The following NBPF15 variants were observed in gnomAD, a reference collection of about 807,000 sequenced individuals.
NBPF15 encodes NBPF member 15, also known as NBPF family member NBPF15.
Under a neutral mutation model 62.2 loss-of-function variants are expected in NBPF15, and 74 were observed. The observed-to-expected ratio is 1.19, with a 90% CI of 0.99 to 1.44. NBPF15 has a LOEUF of 1.44. Ranked by LOEUF, NBPF15 falls within the 40% of genes most tolerant of loss-of-function variation. The pLI is 0.00. For missense variants in NBPF15, 790 were observed against 550.0 expected (o/e 1.44, Z -4.36); for synonymous variants, 244 against 209.7 (o/e 1.16, Z -1.41).
rs1456995293 is a variant in NBPF15, at chr1:144,431,298, GA to G, written c.825-1436del. ...CAGATTCACCAAGGTTGAAATGAAG[GA>G]AAAAATGCTAAGGGCAGCCAGAGAG... On this transcript the variant is annotated intron_variant, in intron 13 of 21. Transcript: ENST00000581897. Among the ~76,000 whole-genome samples the G allele has an allele frequency of 2.0e-5, 3 of 150,374 alleles. No homozygotes were observed. In the South Asian group the frequency reaches 6.3e-4, roughly 32 times the overall value.
At chr1:144,449,572 T>C (rs1282098621) in intron 5 of NBPF15, among the ~76,000 whole-genome samples, 2 of 151,914 alleles carry the variant, frequency 1.3e-5, no homozygotes, top group African/African-American at 2.4e-5. Flanking sequence ...ATAGGAGCCA[T>C]ACGCAAAAGA....
intron 12 of NBPF15, 144 bp downstream of exon 12, chr1:144,434,967 A>T: frequency 7.3e-7 from 1 of 1,367,950 alleles, no homozygotes; most frequent in Admixed American, 2.0e-5. Context: ...ATTAGCTGAG[A>T]AGGACAAAAA....
chr1:144,424,092 C>T (rs1336756879), intron 20 of NBPF15, 117 bp from the exon 21 acceptor site: 6 of 751,152 alleles, frequency 8.0e-6, no homozygotes, highest in African/African-American at 5.1e-5. Flanking sequence ...AATACGACAC[C>T]ATGAGAGATA....
rs199961613 is a variant in NBPF15 at position 144,423,313 on chromosome 1, C to T, written c.1770-57G>A. 4.6e-4 allele frequency: 746 copies of T among 1,610,898 alleles called. 11 individuals are homozygous for T. Among genetic ancestry groups the T allele is most frequent in the Middle Eastern group, 3.6e-3 (16 of 4,450 alleles). On this transcript the variant is annotated intron_variant, in intron 21 of 21. Coordinates refer to ENST00000581897, the MANE Select transcript of NBPF15 (RefSeq NM_001385408.1). ...CAGGGAAAATCAGACACCACAGAGC[C>T]CCACTAGATTTCAGAAGTAATATAA... is the stretch of plus-strand genomic sequence containing the variant.
intron 4 of NBPF15, among the ~76,000 whole-genome samples, 182 bp downstream of exon 4, chr1:144,456,355 G>A (rs868935418): frequency 3.9e-5 from 6 of 152,034 alleles, no homozygotes; most frequent in East Asian, 1.9e-4. Context: ...ACTGCAGGTC[G>A]AGGGTGGCAC....
intron 6 of NBPF15, among the ~76,000 whole-genome samples, chr1:144,444,100 T>C (rs587713646): frequency 1.3e-5 from 2 of 151,976 alleles, no homozygotes; most frequent in African/African-American, 4.8e-5. Context: ...GGCTATACCA[T>C]GTATGTTTGT....
chr1:144,449,323 A>G (rs1269403582), intron 5 of NBPF15, among the ~76,000 whole-genome samples: 1 of 151,938 alleles, frequency 6.6e-6, no homozygotes, highest in Non-Finnish European at 1.5e-5. Context: ...CTATTCTATG[A>G]CTCACTAATT....
intron 13 of NBPF15, among the ~76,000 whole-genome samples, chr1:144,431,460 A>AT (rs757139025): frequency 4.9e-4 from 72 of 146,976 alleles, no homozygotes; most frequent in Middle Eastern, 6.9e-3. Flanking sequence ...TTCCTTTATT[A>AT]TTTTTTGTGT....
chr1:144,446,531 T>C (rs1323824728), intron 6 of NBPF15, among the ~76,000 whole-genome samples: 2 of 152,230 alleles, frequency 1.3e-5, no homozygotes, highest in Admixed American at 1.3e-4. Flanking sequence ...TCTTATGCCA[T>C]TTAATATAAT....
Position 144,457,912 on chromosome 1 carries a change from A to C in NBPF15, c.-700-1107T>G, listed in dbSNP as rs1649320791. 2.0e-5 allele frequency among the ~76,000 whole-genome samples: 3 copies of C among 151,886 alleles called. No homozygotes were observed. The South Asian group carries it at 6.2e-4, about 32-fold the overall frequency. ...TGAAACCAGTCTGAGCACTACAGGA[A>C]AACCCTGTCTACAAAAAATAGAAAA... On this transcript the variant is annotated intron_variant, in intron 3 of 21. Transcript: ENST00000581897.
At chr1:144,428,389 G>T (rs9438173) in intron 15 of NBPF15, among the ~76,000 whole-genome samples, 6 of 152,056 alleles carry the variant, frequency 3.9e-5, no homozygotes, top group South Asian at 4.2e-4. Flanking sequence ...AGCTTTTGAG[G>T]TATGGTCAAC....
Position 144,457,085 on chromosome 1 carries a change from AG to A in NBPF15, c.-700-281del, listed in dbSNP as rs1427426007. On this transcript the variant is annotated intron_variant, in intron 3 of 21. Transcript: ENST00000581897. ...TCTCAGCTACTCAGAAGGCTGAGGC[AG>A]GAGGATTCCTTGAGCCTTGAATTAG... is the stretch of plus-strand genomic sequence containing the variant. Among the ~76,000 whole-genome samples the A allele has an allele frequency of 3.9e-5, 6 of 152,018 alleles. 1 individual carries two copies. Among genetic ancestry groups the A allele is most frequent in the Non-Finnish European group, 5.9e-5 (4 of 67,988 alleles).
chr1:144,440,339 A>C, intron 6 of NBPF15, 44 bp from the exon 7 acceptor site: 1 of 1,134,228 alleles, frequency 8.8e-7, no homozygotes, highest in Non-Finnish European at 1.2e-6. Flanking sequence ...GTGTCATGGA[A>C]TCTTAGGAGC....
intron 6 of NBPF15, among the ~76,000 whole-genome samples, chr1:144,444,196 C>T (rs1478071845): frequency 6.7e-5 from 10 of 150,134 alleles, no homozygotes; most frequent in Non-Finnish European, 1.3e-4. Flanking sequence ...CGTGGCAGGC[C>T]AGGTCTCACT....
At position 144,440,189 on chromosome 1, in the gene NBPF15, C is replaced by A; in HGVS notation, c.-84G>T. ...CCCACAGCACTTTAGGATCCTTCACCACAAAAACAAGGTTCGAGGTGCCTC... is the reference window on the plus strand; with the variant it reads ...CCCACAGCACTTTAGGATCCTTCACAACAAAAACAAGGTTCGAGGTGCCTC... On this transcript the variant is annotated 5_prime_UTR_variant, in exon 7 of 22. Transcript: ENST00000581897. 1 of 1,544,162 alleles carries A rather than the reference C, an allele frequency of 6.5e-7. No homozygotes were observed.
chr1:144,447,186 A>ATGG (rs1423715806), intron 6 of NBPF15, among the ~76,000 whole-genome samples: 1 of 152,398 alleles, frequency 6.6e-6, no homozygotes, highest in East Asian at 1.9e-4. Flanking sequence ...ATCTCCCGCC[A>ATGG]TGACCTCCAG....
chr1:144,452,497 T>C (rs1310478921), intron 4 of NBPF15, among the ~76,000 whole-genome samples: 1 of 151,446 alleles, frequency 6.6e-6, no homozygotes, highest in Non-Finnish European at 1.5e-5. Context: ...TCAGACCCAG[T>C]CATGGGGACC....
In NBPF15 at chr1:144,436,949, G is replaced by A; in HGVS notation, c.439C>T (p.Gln147Ter). 1 of 1,612,092 alleles carries A rather than the reference G, an allele frequency of 6.2e-7. No homozygotes were observed. Among genetic ancestry groups the A allele is most frequent in the Non-Finnish European group, 8.5e-7 (1 of 1,179,652 alleles). The change falls in exon 10 of 22, where the codon CAG becomes TAG. Residue 147 changes from glutamine (Q) to a stop codon, truncating the protein, a stop_gained. Coordinates refer to ENST00000581897, the MANE Select transcript of NBPF15 (RefSeq NM_001385408.1). LOFTEE classifies it high-confidence loss of function. ...DKSQGQDLQE[Q>*]LAEGCRLTQH... ...GTCAGTCTACACCCCTCAGCCAGCT[G>A]TTCTTGGAGGTCCTGCCCCTGGGAC...
At chr1:144,455,138 A>C (rs1571165844) in intron 4 of NBPF15, among the ~76,000 whole-genome samples, 1 of 146,596 alleles carries the variant, frequency 6.8e-6, no homozygotes, top group African/African-American at 2.5e-5. Flanking sequence ...GGAGGGAGGA[A>C]GAAAAGGAGG....
Sources: gnomAD v4.1 joint callset for allele counts (sites outside exome capture counted in the v4.1 genomes callset) on GRCh38, gnomAD v4.1.1 for gene constraint, MANE v1.5 for transcripts, NCBI Gene and HGNC (gene_info 2026-07-23, HGNC 2026-07-21) for gene names.